The following SIGLEC1 variants were observed in gnomAD, a reference collection of about 807,000 sequenced individuals.
SIGLEC1 encodes sialic acid binding Ig like lectin 1.
SIGLEC1 carries 132 observed loss-of-function variants against 148.0 expected under a neutral mutation model. The ratio of observed to expected loss-of-function variants is 0.89; its 90% confidence interval spans 0.77 to 1.03. SIGLEC1 has a LOEUF of 1.03. Ranked by LOEUF, SIGLEC1 falls within the 50% of genes least tolerant of loss-of-function variation. The probability of loss-of-function intolerance (pLI) is 0.00; values close to 1 mark genes in which losing one functional copy is unlikely to be tolerated. For missense variants in SIGLEC1, 2,253 were observed against 2,271.4 expected (o/e 0.99, Z 0.16); for synonymous variants, 945 against 969.0 (o/e 0.98, Z 0.46).
rs369185886 is a variant in SIGLEC1 at position 3,699,276 on chromosome 20, C to T, written c.1712G>A (p.Gly571Asp). The change falls in exon 8 of 22, where the codon GGC becomes GAC. Residue 571 changes from glycine (G) to aspartate (D), a missense_variant. Gly to Asp is a moderately conservative substitution (Grantham distance 94). Coordinates refer to ENST00000344754, the MANE Select transcript of SIGLEC1 (RefSeq NM_023068.4). Reference sequence around the variant, plus strand: ...GTCCCGGGCCCGGCAGTGGTATGAGCCGGCGTCAGTGCTGGAGGCCGCGGG... The same window carrying T: ...GTCCCGGGCCCGGCAGTGGTATGAGTCGGCGTCAGTGCTGGAGGCCGCGGG... The part of the protein sequence containing the change: ...LLPAASSTDA[G>D]SYHCRARDGH... 2 of 1,608,848 alleles carry T rather than the reference C, an allele frequency of 1.2e-6. No individual in the cohort carries two copies. Among genetic ancestry groups the T allele is most frequent in the Non-Finnish European group, 1.7e-6 (2 of 1,178,416 alleles).
chr20:3,689,809 G>A, intron 19 of SIGLEC1, 107 bp from the exon 20 acceptor site: 2 of 1,217,122 alleles, frequency 1.6e-6, no homozygotes, highest in Non-Finnish European at 2.3e-6. Context: ...CTTTATCGCT[G>A]AAGCTCTCCA....
Position 3,699,372 on chromosome 20 carries a change from G to C in SIGLEC1, c.1616C>G (p.Pro539Arg), listed in dbSNP as rs1190089015. 1 of 1,608,828 alleles carries C rather than the reference G, an allele frequency of 6.2e-7. No individual in the cohort carries two copies. Among genetic ancestry groups the C allele is most frequent in the South Asian group, 1.1e-5 (1 of 89,610 alleles). The change falls in exon 8 of 22, where the codon CCT becomes CGT. Residue 539 changes from proline to arginine, a missense_variant. By Grantham distance (103) the Pro-to-Arg change is moderately radical. Coordinates refer to ENST00000344754, the MANE Select transcript of SIGLEC1 (RefSeq NM_023068.4). ...LSCRSGLSPT[P>R]DARFSWYLNG... ...CAGGTACCAGGAGAAGCGGGCATCA[G>C]GTGTGGGGCTTAGGCCGCTTCTGCA... is the stretch of plus-strand genomic sequence containing the variant.
chr20:3,697,794 T>A lies in SIGLEC1; in HGVS notation c.2122+4A>T. 6.2e-7 allele frequency: 1 copy of A among 1,612,098 alleles called. No homozygotes were observed. The highest frequency in any genetic ancestry group is 8.5e-7 in the Non-Finnish European group (1 of 1,179,634). ...CCAGGCCACCCATTCCCTGCCTGAC[T>A]CACCCTGGCCATTGAAGGTGGCTGA... is the stretch of plus-strand genomic sequence containing the variant. On this transcript the variant is annotated splice_donor_region_variant and intron_variant, in intron 9 of 21. Coordinates refer to ENST00000344754, the MANE Select transcript of SIGLEC1 (RefSeq NM_023068.4).
chr20:3,705,684 G>A, intron 4 of SIGLEC1, 60 bp downstream of exon 4: 4 of 1,525,074 alleles, frequency 2.6e-6, no homozygotes, highest in Non-Finnish European at 3.6e-6. Flanking sequence ...GAGAGGGGCT[G>A]GTTTCTGTCA....
At chr20:3,688,773 G>A (rs2088724710) in intron 21 of SIGLEC1, 154 bp from the exon 22 acceptor site, 2 of 625,554 alleles carry the variant, frequency 3.2e-6, no homozygotes, top group Non-Finnish European at 5.6e-6. Context: ...TGAATCAGCT[G>A]CAGAAGGGAC....
chr20:3,692,984 G>C lies in SIGLEC1; in HGVS notation c.3656C>G (p.Ser1219Cys). ...GRLLASSTAA[S>C]VPNTLRLELR... is the part of the protein sequence containing the mutation. ...CTCCAGGCGCAGGGTGTTGGGGACA[G>C]AGGCTGCTGTCGAGGAGGCCAAGAG... Residue 1219 changes from serine to cysteine, a missense_variant, in exon 15 of 22, where the codon TCT becomes TGT. Physicochemically the swap from Ser to Cys is moderately radical, Grantham distance 112. Coordinates refer to ENST00000344754, the MANE Select transcript of SIGLEC1 (RefSeq NM_023068.4). The C allele has an allele frequency of 1.2e-6, 2 of 1,612,510 alleles. No homozygotes were observed. Among genetic ancestry groups the C allele is most frequent in the South Asian group, 2.2e-5 (2 of 91,074 alleles).
chr20:3,689,293 C>T (rs545558804), intron 20 of SIGLEC1, 66 bp from the exon 21 acceptor site: 32 of 1,383,394 alleles, frequency 2.3e-5, no homozygotes, highest in South Asian at 1.6e-4. Flanking sequence ...ATTCCTCTCC[C>T]GCTCCCCACA....
chr20:3,696,647 G>C lies in SIGLEC1; in HGVS notation c.2622C>G (p.Tyr874Ter). Residue 874 changes from tyrosine to a stop codon, truncating the protein, a stop_gained, in exon 11 of 22, where the codon TAC (tyrosine) becomes TAG (stop). Coordinates refer to ENST00000344754, the MANE Select transcript of SIGLEC1 (RefSeq NM_023068.4). LOFTEE classifies it high-confidence loss of function. ...CAAGAACATTTGTGGCCTCACAGCG[G>C]TAGCTGCCAGAGTCCCCAAGGCCCA... Reference protein sequence around the residue: ...RELGLGDSGSYRCEATNVLGS... With the variant: ...RELGLGDSGS The C allele has an allele frequency of 1.9e-6, 3 of 1,613,826 alleles. No individual in the cohort carries two copies. Among genetic ancestry groups the C allele is most frequent in the African/African-American group, 1.3e-5 (1 of 75,060 alleles).
intron 2 of SIGLEC1, 54 bp from the exon 3 acceptor site, chr20:3,706,760 G>C (rs1352458579): frequency 1.4e-6 from 2 of 1,480,588 alleles, no homozygotes; most frequent in Non-Finnish European, 1.8e-6. Flanking sequence ...GCCTCAGGGT[G>C]CCACAGAGCC....
rs998353254 is a variant in SIGLEC1, at chr20:3,710,956, G to A, written c.-110+1514C>T. On this transcript the variant is annotated intron_variant, in intron 1 of 21. Coordinates refer to ENST00000344754, the MANE Select transcript of SIGLEC1 (RefSeq NM_023068.4). This position sits in a 1 kb window ranked among gnomAD's most constrained non-coding sequence, Gnocchi z 4.6. The stretch of plus-strand genomic sequence containing the variant: ...TCTGGAAACAGAAAGAGCAGGGACC[G>A]CTCAGAAAGGAGATCTCTGTCCCTG... Among the ~76,000 whole-genome samples the A allele has an allele frequency of 6.6e-6, 1 of 152,234 alleles. No individual in the cohort carries two copies. The highest frequency in any genetic ancestry group is 1.5e-5 in the Non-Finnish European group (1 of 68,024).
intron 1 of SIGLEC1, among the ~76,000 whole-genome samples, 99 bp downstream of exon 1, chr20:3,712,371 C>CA (rs965391413): frequency 1.3e-5 from 2 of 151,458 alleles, no homozygotes; most frequent in East Asian, 1.9e-4. Context: ...TGGAGCCCCC[C>CA]CCCGACCCCT....
At chr20:3,712,366 C>CA (rs879945496) in intron 1 of SIGLEC1, among the ~76,000 whole-genome samples, 104 bp downstream of exon 1, 5 of 43,304 alleles carry the variant, frequency 1.2e-4, no homozygotes, top group South Asian at 1.8e-3. Flanking sequence ...CCAGATGGAG[C>CA]CCCCCCCCGA....
At chr20:3,700,809 T>G (rs1835410507) in intron 7 of SIGLEC1, among the ~76,000 whole-genome samples, 1 of 150,682 alleles carries the variant, frequency 6.6e-6, no homozygotes, top group Non-Finnish European at 1.5e-5. Context: ...CAAGCGATTC[T>G]CCTGCCTTAG....
At position 3,692,790 on chromosome 20, in the gene SIGLEC1, G is replaced by C. The variant is rs151059745; in HGVS notation, c.3779-18C>G. On this transcript the variant is annotated intron_variant, in intron 15 of 21. Coordinates refer to ENST00000344754, the MANE Select transcript of SIGLEC1 (RefSeq NM_023068.4). ...CCGCACACCTGTGCCAAGGAGGCCAGGATCAGCCGGGCCCAGCCGGACACC... is the reference window on the plus strand; with the variant it reads ...CCGCACACCTGTGCCAAGGAGGCCACGATCAGCCGGGCCCAGCCGGACACC... 3.1e-3 allele frequency: 4,915 copies of C among 1,604,180 alleles called. 21 individuals are homozygous for C. Among genetic ancestry groups the C allele is most frequent in the Non-Finnish European group, 3.3e-3 (3,914 of 1,175,262 alleles).
chr20:3,701,348 C>T lies in SIGLEC1; in HGVS notation c.1522G>A (p.Ala508Thr), dbSNP rs1470304111. The T allele has an allele frequency of 6.2e-7, 1 of 1,606,728 alleles. No homozygotes were observed. Reference protein sequence around the residue: ...GNATSTLDFHANAARLLISPA... With the variant: ...GNATSTLDFHTNAARLLISPA... Reference sequence around the variant, plus strand: ...CTGCCAGTGCCCATCTTACCATTGGCATGGAAGTCCAGGGTGGAGGTTGCA... The same window carrying T: ...CTGCCAGTGCCCATCTTACCATTGGTATGGAAGTCCAGGGTGGAGGTTGCA... The change falls in exon 7 of 22, where the codon GCC becomes ACC. Residue 508 changes from alanine (A) to threonine (T), a missense_variant. By Grantham distance (58) the Ala-to-Thr change is moderately conservative (BLOSUM62 0). Transcript: ENST00000344754.
chr20:3,701,571 G>T lies in SIGLEC1; in HGVS notation c.1299C>A (p.Cys433Ter), dbSNP rs1468662944. 1 of 1,606,088 alleles carries T rather than the reference G, an allele frequency of 6.2e-7. No individual in the cohort carries two copies. ...TQAGLVGILH[C>*]SVVSEPLATL... Reference sequence around the variant, plus strand: ...TGGCCAGGGGCTCACTGACCACAGAGCAGTGAAGGATGCCCACAAGTCCCG... The same window carrying T: ...TGGCCAGGGGCTCACTGACCACAGATCAGTGAAGGATGCCCACAAGTCCCG... Residue 433 changes from cysteine to a stop codon, truncating the protein, a stop_gained, in exon 7 of 22, where the codon TGC becomes TGA. Transcript: ENST00000344754. LOFTEE classifies it high-confidence loss of function.
At chr20:3,700,406 C>T (rs531836844) in intron 7 of SIGLEC1, among the ~76,000 whole-genome samples, 2 of 152,062 alleles carry the variant, frequency 1.3e-5, no homozygotes, top group South Asian at 4.2e-4. Flanking sequence ...GCATGAGCCA[C>T]CATGCCTGGC....
In SIGLEC1 at chr20:3,691,604, C is replaced by A. The variant is rs942315867; in HGVS notation, c.4331-4G>T. 1.2e-6 allele frequency: 2 copies of A among 1,610,694 alleles called. No individual in the cohort carries two copies. Among genetic ancestry groups the A allele is most frequent in the African/African-American group, 1.3e-5 (1 of 75,030 alleles). ...GGCTCTGCCACCACGCGTGCACCTG[C>A]GGGCGGAGGATAGAGAGATGATTGG... On this transcript the variant is annotated splice_polypyrimidine_tract_variant and splice_region_variant and intron_variant, in intron 17 of 21. Transcript: ENST00000344754.
rs759998481 is a variant in SIGLEC1 at position 3,703,970 on chromosome 20, C to G, written c.828G>C (p.Trp276Cys). The G allele has an allele frequency of 3.7e-6, 6 of 1,612,230 alleles. No homozygotes were observed. Among genetic ancestry groups the G allele is most frequent in the Non-Finnish European group, 5.1e-6 (6 of 1,178,900 alleles). ...SSYPAVSSIKWLKDGVRLQTK... is the reference protein window; with the variant it reads ...SSYPAVSSIKCLKDGVRLQTK... ...TTTGGAGGCGTACCCCATCCTTGAG[C>G]CACTTAATGGAACTGACTGCAGGGT... is the stretch of plus-strand genomic sequence containing the variant. Residue 276 changes from tryptophan (W) to cysteine (C), a missense_variant, in exon 5 of 22, where the codon TGG becomes TGC. Coordinates refer to ENST00000344754, the MANE Select transcript of SIGLEC1 (RefSeq NM_023068.4).
Sources: allele counts gnomAD v4.1 joint callset (sites outside exome capture counted in the v4.1 genomes callset), GRCh38; gene constraint gnomAD v4.1.1; non-coding constraint Gnocchi (gnomAD v3.1); transcripts MANE v1.5; gene names NCBI Gene and HGNC (gene_info 2026-07-23, HGNC 2026-07-21).